FSTL5: variants seen among roughly 807,000 people sequenced by gnomAD.
FSTL5 encodes the protein follistatin-related protein 5.
FSTL5 carries 62 observed loss-of-function variants against 89.1 expected under a neutral mutation model. That is an observed-to-expected ratio of 0.70 (90% confidence interval 0.57 to 0.86). The LOEUF is 0.86. Ranked by LOEUF, FSTL5 falls within the 40% of genes least tolerant of loss-of-function variation. The pLI, the probability that FSTL5 is intolerant of heterozygous loss-of-function variation, is 0.00. For missense variants in FSTL5, 1,057 were observed against 1,001.6 expected (o/e 1.06, Z -0.75); for synonymous variants, 383 against 346.2 (o/e 1.11, Z -1.18).
chr4:161,715,663 A>G (rs1738949150), intron 6 of FSTL5, among the ~76,000 whole-genome samples: 1 of 152,166 alleles, frequency 6.6e-6, no homozygotes, highest in Admixed American at 6.5e-5. Flanking sequence ...ACCAAGTTCC[A>G]TCTCAATAGC....
intron 3 of FSTL5, among the ~76,000 whole-genome samples, chr4:161,932,065 T>C (rs1734300995): frequency 6.6e-6 from 1 of 151,906 alleles, no homozygotes; most frequent in African/African-American, 2.4e-5. Flanking sequence ...AGTGGCAGTA[T>C]TTGAATAGAT....
At position 161,789,287 on chromosome 4, in the gene FSTL5, T is replaced by C. The variant is rs1037128228; in HGVS notation, c.410-13213A>G. On this transcript the variant is annotated intron_variant, in intron 4 of 15. Coordinates refer to ENST00000306100, the MANE Select transcript of FSTL5 (RefSeq NM_020116.5). ...ATACTGATTCTTAGTATTTGGTAAGTAAGTTTGGAGCAAGCAAAGGGACGA... is the reference window on the plus strand; with the variant it reads ...ATACTGATTCTTAGTATTTGGTAAGCAAGTTTGGAGCAAGCAAAGGGACGA... Among the ~76,000 whole-genome samples, 3 of 152,102 alleles carry C rather than the reference T, an allele frequency of 2.0e-5. No homozygotes were observed. In the East Asian group the frequency reaches 5.8e-4, roughly 29 times the overall value.
At chr4:161,869,148 C>T (rs1308079599) in intron 4 of FSTL5, among the ~76,000 whole-genome samples, 3 of 151,934 alleles carry the variant, frequency 2.0e-5, no homozygotes, top group East Asian at 1.9e-4. Flanking sequence ...TGCAGTGAGC[C>T]GAGATCGCCA....
chr4:161,513,406 T>C (rs62324305), intron 10 of FSTL5, among the ~76,000 whole-genome samples: 29,269 of 151,320 alleles, frequency 0.19, 3,079 homozygotes, highest in East Asian at 0.37. Flanking sequence ...GGGTACTTGG[T>C]TTAATACCAG....
chr4:161,653,546 C>T (rs1460316340), intron 7 of FSTL5, among the ~76,000 whole-genome samples: 1 of 152,092 alleles, frequency 6.6e-6, no homozygotes, highest in Non-Finnish European at 1.5e-5. Context: ...CATTGACAGG[C>T]TGTTCAAAAG....
At chr4:161,949,133 T>C (rs1435867193) in intron 3 of FSTL5, among the ~76,000 whole-genome samples, 1 of 152,148 alleles carries the variant, frequency 6.6e-6, no homozygotes. Flanking sequence ...TTCCTTCGCG[T>C]GTGGTTCCTT....
chr4:161,894,088 T>A (rs564941027), intron 4 of FSTL5, among the ~76,000 whole-genome samples: 80 of 152,314 alleles, frequency 5.3e-4, no homozygotes, highest in African/African-American at 1.8e-3. Context: ...CATTTTAGAA[T>A]TTTAAATGTA....
intron 4 of FSTL5, among the ~76,000 whole-genome samples, chr4:161,857,759 T>C (rs1560884885): frequency 6.6e-6 from 1 of 152,210 alleles, no homozygotes; most frequent in East Asian, 1.9e-4. Flanking sequence ...ATGGAAAGAG[T>C]ACATTTTTAT....
intron 7 of FSTL5, among the ~76,000 whole-genome samples, chr4:161,596,492 T>C (rs1328150754): frequency 6.6e-6 from 1 of 151,914 alleles, no homozygotes; most frequent in Non-Finnish European, 1.5e-5. Context: ...AATTTAATTA[T>C]ATTTTATTAA....
chr4:161,776,298 A>T (rs139172739), intron 4 of FSTL5, among the ~76,000 whole-genome samples: 1 of 152,184 alleles, frequency 6.6e-6, no homozygotes, highest in East Asian at 1.9e-4. Flanking sequence ...ATTTCTTTGT[A>T]GTTTGTTTAT....
At chr4:161,805,454 G>A (rs1729935351) in intron 4 of FSTL5, among the ~76,000 whole-genome samples, 1 of 152,084 alleles carries the variant, frequency 6.6e-6, no homozygotes, top group South Asian at 2.1e-4. Context: ...TAGATTAAAA[G>A]AGACGCATCT....
At chr4:161,549,028 A>T (rs2126553678) in intron 8 of FSTL5, among the ~76,000 whole-genome samples, 1 of 151,948 alleles carries the variant, frequency 6.6e-6, no homozygotes, top group Middle Eastern at 3.4e-3. Flanking sequence ...AGAGAGTGGT[A>T]CCTTTCCATA....
chr4:161,762,819 T>C (rs1007547718), intron 5 of FSTL5, among the ~76,000 whole-genome samples: 12 of 152,212 alleles, frequency 7.9e-5, no homozygotes, highest in African/African-American at 2.9e-4. Context: ...ACTTTTTTTT[T>C]CACTGATCAG....
intron 10 of FSTL5, among the ~76,000 whole-genome samples, chr4:161,531,623 A>T (rs949428484): frequency 1.2e-4 from 19 of 152,212 alleles, no homozygotes; most frequent in Non-Finnish European, 2.4e-4. Context: ...TGATTGTGAC[A>T]AAAGTGAACT....
intron 1 of FSTL5, among the ~76,000 whole-genome samples, chr4:162,122,333 C>T (rs1382222269): frequency 6.6e-6 from 1 of 151,940 alleles, no homozygotes; most frequent in Non-Finnish European, 1.5e-5. Context: ...ACCCACTGTT[C>T]CCCGCTTCTA....
At chr4:161,577,332 G>A (rs1733254292) in intron 8 of FSTL5, among the ~76,000 whole-genome samples, 1 of 151,664 alleles carries the variant, frequency 6.6e-6, no homozygotes. Flanking sequence ...TGATAGAGAA[G>A]GTTATGGTAG....
intron 3 of FSTL5, among the ~76,000 whole-genome samples, chr4:161,974,708 C>A (rs1339192723): frequency 8.7e-6 from 1 of 115,588 alleles, no homozygotes; most frequent in Non-Finnish European, 1.7e-5. Flanking sequence ...ACTTCATGTC[C>A]AAAACACCAA....
At chr4:162,079,736 C>T (rs1164258676) in intron 2 of FSTL5, among the ~76,000 whole-genome samples, 1 of 150,962 alleles carries the variant, frequency 6.6e-6, no homozygotes, top group Non-Finnish European at 1.5e-5. Context: ...TCAATTCACT[C>T]AAGAAAAATG....
intron 8 of FSTL5, among the ~76,000 whole-genome samples, chr4:161,565,175 A>G (rs1732753584): frequency 6.6e-6 from 1 of 151,806 alleles, no homozygotes; most frequent in African/African-American, 2.4e-5. Flanking sequence ...AACTAATCAA[A>G]GCCCTCCAAT....
Sources: allele counts gnomAD v4.1 joint callset (sites outside exome capture counted in the v4.1 genomes callset), GRCh38; gene constraint gnomAD v4.1.1; transcripts MANE v1.5; gene names NCBI Gene and HGNC (gene_info 2026-07-23, HGNC 2026-07-21).